Variants in DNM3 observed in about 807,000 individuals in gnomAD.
DNM3 encodes the protein dynamin 3, also known as dynamin-3.
Under a neutral mutation model 101.6 loss-of-function variants are expected in DNM3, and 47 were observed. That is an observed-to-expected ratio of 0.46 (90% CI 0.37 to 0.59). DNM3 has a LOEUF of 0.59. Ranked by LOEUF, DNM3 falls within the 20% of genes least tolerant of loss-of-function variation. DNM3 has a pLI of 0.00. For missense variants in DNM3, 849 were observed against 1,085.7 expected, an observed-to-expected ratio of 0.78 and a Z score of 3.06; for synonymous variants, 385 against 387.9, an observed-to-expected ratio of 0.99 and a Z score of 0.09.
At chr1:172,308,039 TA>T (rs947441402) in intron 15 of DNM3, among the ~76,000 whole-genome samples, 1 of 151,492 alleles carries the variant, frequency 6.6e-6, no homozygotes, top group African/African-American at 2.4e-5. Context: ...AAATCTTAAA[TA>T]AAAAAAAGAA....
At chr1:172,256,905 GTTT>G (rs5778728) in intron 15 of DNM3, among the ~76,000 whole-genome samples, 29 of 144,552 alleles carry the variant, frequency 2.0e-4, no homozygotes, top group African/African-American at 6.3e-4. Flanking sequence ...TCTTCATCAT[GTTT>G]TTTTTTTTTT....
Position 172,411,049 on chromosome 1 carries a change from C to T in DNM3, c.*3208C>T. 1 of 984,898 alleles carries T rather than the reference C, an allele frequency of 1.0e-6. No homozygotes were observed. The highest frequency in any genetic ancestry group is 1.7e-5 in the African/African-American group (1 of 57,196). The allele number at this position is 984,898 out of a possible 1,614,324, so 61.0% of individuals were successfully genotyped here. A position where few individuals can be genotyped will look rare whatever the true frequency, so the allele number is the denominator to read the frequency against. ...GGTTTTAAAAATACTAGTTAAAATG[C>T]CACAAGCATGAGTGTGATTGTATGT... On this transcript the variant is annotated 3_prime_UTR_variant, in exon 21 of 21. Coordinates refer to ENST00000627582, the MANE Select transcript of DNM3 (RefSeq NM_015569.5).
At chr1:172,389,529 C>A (rs2069400792) in intron 20 of DNM3, among the ~76,000 whole-genome samples, 1 of 152,110 alleles carries the variant, frequency 6.6e-6, no homozygotes. Context: ...CCTTCATATA[C>A]TTACAGTCAA....
intron 6 of DNM3, among the ~76,000 whole-genome samples, chr1:172,035,420 C>G (rs2048885631): frequency 6.6e-6 from 1 of 151,932 alleles, no homozygotes. Context: ...TAAGAGAGAA[C>G]AGAGAGTAAA....
intron 1 of DNM3, 142 bp from the exon 2 acceptor site, chr1:171,921,602 TTTTA>T (rs1159920853): frequency 3.1e-6 from 2 of 643,738 alleles, no homozygotes; most frequent in East Asian, 5.5e-5. Context: ...AAAATGCTTC[TTTTA>T]TTAAGATGGG....
intron 10 of DNM3, among the ~76,000 whole-genome samples, chr1:172,054,518 A>G (rs1196336582): frequency 4.6e-5 from 7 of 152,074 alleles, no homozygotes; most frequent in Non-Finnish European, 1.0e-4. Flanking sequence ...TTTTTTTTTT[A>G]ACCACAGTTT....
In DNM3 at chr1:172,125,232, A is replaced by G. The variant is rs546839780; in HGVS notation, c.1546-5943A>G. Among the ~76,000 whole-genome samples the G allele has an allele frequency of 3.6e-3, 545 of 152,280 alleles. 2 individuals are homozygous for G. The highest frequency in any genetic ancestry group is 6.0e-3 in the Non-Finnish European group (405 of 68,006). Reference sequence around the variant, plus strand: ...GGCTGCAGCAGTTAAAAAAAAAGACAGCTGCATAGCTGAAAAAAACTTGCA... The same window carrying G: ...GGCTGCAGCAGTTAAAAAAAAAGACGGCTGCATAGCTGAAAAAAACTTGCA... On this transcript the variant is annotated intron_variant, in intron 13 of 20. Coordinates refer to ENST00000627582, the MANE Select transcript of DNM3 (RefSeq NM_015569.5).
intron 14 of DNM3, among the ~76,000 whole-genome samples, chr1:172,201,748 G>A (rs964831084): frequency 1.3e-5 from 2 of 152,212 alleles, no homozygotes; most frequent in African/African-American, 4.8e-5. Context: ...TGGGGGCCTG[G>A]TCCAAGGAAT....
At chr1:172,398,855 A>G (rs1022075878) in intron 20 of DNM3, among the ~76,000 whole-genome samples, 2 of 152,216 alleles carry the variant, frequency 1.3e-5, no homozygotes, top group Non-Finnish European at 2.9e-5. Flanking sequence ...AGGAGCTTGT[A>G]TAAAAATTTA....
intron 17 of DNM3, among the ~76,000 whole-genome samples, chr1:172,339,251 G>A (rs938274256): frequency 2.6e-5 from 4 of 152,118 alleles, no homozygotes; most frequent in African/African-American, 9.7e-5. Flanking sequence ...CCACACTTGG[G>A]GGAAGGAAGC....
rs558289950 is a variant in DNM3, at chr1:171,892,382, T to C, written c.162-29366T>C. ...TATTGGATTGTAGCTGCTTTTAGGC[T>C]CTCTCAGCTGACAGAGCAAGGGAAT... On this transcript the variant is annotated intron_variant, in intron 1 of 20. Coordinates refer to ENST00000627582, the MANE Select transcript of DNM3 (RefSeq NM_015569.5). Among the ~76,000 whole-genome samples, 13 of 152,290 alleles carry C rather than the reference T, an allele frequency of 8.5e-5. No individual in the cohort carries two copies. In the South Asian group the frequency reaches 2.5e-3, roughly 29 times the overall value.
At chr1:172,297,778 A>G (rs987080394) in intron 15 of DNM3, among the ~76,000 whole-genome samples, 30 of 152,264 alleles carry the variant, frequency 2.0e-4, no homozygotes, top group African/African-American at 7.2e-4. Context: ...TTAGAACTTC[A>G]TATGCCTCAG....
chr1:171,943,110 CAAAAA>C (rs199752457), intron 2 of DNM3, among the ~76,000 whole-genome samples: 2 of 144,248 alleles, frequency 1.4e-5, no homozygotes, highest in Non-Finnish European at 3.0e-5. Flanking sequence ...AACACTGTCT[CAAAAA>C]AAAATAAAAA....
chr1:172,034,801 C>A (rs10218805), intron 6 of DNM3, among the ~76,000 whole-genome samples: 2 of 151,646 alleles, frequency 1.3e-5, no homozygotes, highest in African/African-American at 2.4e-5. Context: ...TTTTCACTGT[C>A]GGGGGAAGGC....
At chr1:172,201,542 G>A (rs1403328768) in intron 14 of DNM3, among the ~76,000 whole-genome samples, 1 of 152,222 alleles carries the variant, frequency 6.6e-6, no homozygotes, top group Non-Finnish European at 1.5e-5. Context: ...GCCCAAGCCA[G>A]GGGTTCCCTG....
In DNM3 at chr1:171,841,525, C is replaced by T; in HGVS notation, c.-132C>T. The T allele has an allele frequency of 7.7e-7, 1 of 1,291,598 alleles. No homozygotes were observed. The highest frequency in any genetic ancestry group is 1.0e-6 in the Non-Finnish European group (1 of 977,192). The allele number at this position is 1,291,598 out of a possible 1,614,324, so 80.0% of individuals were successfully genotyped here. A position where few individuals can be genotyped will look rare whatever the true frequency, so the allele number is the denominator to read the frequency against. ...AGCCAAGCGGCGGGCTGGCGGCGGG[C>T]TCCGACGTCTGCGCCAGGACCTGGC... On this transcript the variant is annotated 5_prime_UTR_variant, in exon 1 of 21. Transcript: ENST00000627582.
chr1:171,930,281 G>GTGGC (rs1193428097), intron 2 of DNM3, among the ~76,000 whole-genome samples: 2 of 152,214 alleles, frequency 1.3e-5, no homozygotes, highest in Admixed American at 6.5e-5. Context: ...GCTGCTACCA[G>GTGGC]TGGCTGGCTG....
intron 13 of DNM3, among the ~76,000 whole-genome samples, chr1:172,119,900 C>A (rs1382088929): frequency 6.6e-6 from 1 of 152,188 alleles, no homozygotes; most frequent in East Asian, 1.9e-4. Context: ...ATACTAACTT[C>A]TCTTCCTAAA....
At chr1:172,005,885 CTG>C (rs2046654373) in intron 4 of DNM3, among the ~76,000 whole-genome samples, 1 of 152,010 alleles carries the variant, frequency 6.6e-6, no homozygotes. Flanking sequence ...ACAAAATTGA[CTG>C]AGAAAGATCT....
Sources: gnomAD v4.1 joint callset for allele counts (sites outside exome capture counted in the v4.1 genomes callset) on GRCh38, gnomAD v4.1.1 for gene constraint, MANE v1.5 for transcripts, NCBI Gene and HGNC (gene_info 2026-07-23, HGNC 2026-07-21) for gene names.